The following GARIN1A variants were observed in gnomAD, a reference collection of about 807,000 sequenced individuals.
GARIN1A encodes Golgi-associated RAB2 interactor protein 1A.
chr7:128,693,260 G>A, the GARIN1A span, among the ~76,000 whole-genome samples: 1 of 152,240 alleles, frequency 6.6e-6, no homozygotes, highest in Admixed American at 6.5e-5. Context: ...CAAAGAAATA[G>A]TCACAGTTAG....
chr7:128,700,384 C>T, the GARIN1A span, among the ~76,000 whole-genome samples: 1 of 151,840 alleles, frequency 6.6e-6, no homozygotes, highest in Non-Finnish European at 1.5e-5. Context: ...GGGTTCAAGC[C>T]ATTCTCCTGC....
At chr7:128,708,613 A>G in the GARIN1A span, among the ~76,000 whole-genome samples, 20 of 152,176 alleles carry the variant, frequency 1.3e-4, no homozygotes, top group Non-Finnish European at 2.8e-4. Context: ...CTCTTCTCCA[A>G]TTTGGGGAGA....
At chr7:128,674,003 C>T in the GARIN1A span, among the ~76,000 whole-genome samples, 2 of 152,104 alleles carry the variant, frequency 1.3e-5, no homozygotes, top group African/African-American at 2.4e-5. Flanking sequence ...AAGCAATTCT[C>T]CTATCTCAGC....
the GARIN1A span, among the ~76,000 whole-genome samples, chr7:128,699,994 T>C: frequency 6.6e-6 from 1 of 152,236 alleles, no homozygotes; most frequent in Non-Finnish European, 1.5e-5. Context: ...TAAAGTCCAT[T>C]TGACTAACAT....
At chr7:128,687,857 A>C in the GARIN1A span, 1 of 152,162 alleles carries the variant, frequency 6.6e-6, no homozygotes, top group Non-Finnish European at 1.5e-5. Flanking sequence ...GCAATAAACT[A>C]TTCTGTTTTG....
chr7:128,677,687 G>T, the GARIN1A span: 1 of 1,613,758 alleles, frequency 6.2e-7, no homozygotes, highest in Non-Finnish European at 8.5e-7. Context: ...CAGAGATTGT[G>T]TTTCAATTCT....
chr7:128,676,150 C>T, the GARIN1A span, among the ~76,000 whole-genome samples: 88 of 150,078 alleles, frequency 5.9e-4, 1 homozygote, highest in South Asian at 0.017. Flanking sequence ...GGACTACAGG[C>T]GCCTGCCACC....
the GARIN1A span, chr7:128,685,105 T>C: frequency 6.6e-6 from 1 of 152,168 alleles, no homozygotes; most frequent in African/African-American, 2.4e-5. Context: ...TTCTCCATGT[T>C]GGCCAGGCTG....
chr7:128,700,258 GTTTGTTTTGT>G, the GARIN1A span, among the ~76,000 whole-genome samples: 1 of 149,040 alleles, frequency 6.7e-6, no homozygotes, highest in South Asian at 2.1e-4. Flanking sequence ...ATTTAGTAAG[GTTTGTTTTGT>G]TTTGTTTTGT....
chr7:128,677,830 C>A, the GARIN1A span: 1 of 1,608,780 alleles, frequency 6.2e-7, no homozygotes, highest in Non-Finnish European at 8.5e-7. Context: ...GGGCCTCCTT[C>A]CGGGACCTGT....
the GARIN1A span, among the ~76,000 whole-genome samples, chr7:128,676,022 T>A: frequency 7.1e-6 from 1 of 140,086 alleles, no homozygotes; most frequent in Non-Finnish European, 1.5e-5. Context: ...TTAGTATCTT[T>A]TTTTTTTTTT....
the GARIN1A span, among the ~76,000 whole-genome samples, chr7:128,679,204 TTTTTTTTGAGATGGAA>T: frequency 6.6e-6 from 1 of 152,046 alleles, no homozygotes; most frequent in Non-Finnish European, 1.5e-5. Context: ...TTAAACTTTT[TTTTTTTTGAGATGGAA>T]TCTCACTCTG....
chr7:128,675,865 G>A, the GARIN1A span: 1 of 1,598,464 alleles, frequency 6.3e-7, no homozygotes, highest in Non-Finnish European at 8.6e-7. Context: ...AGCAGGTAAA[G>A]GCTTGAGGGA....
chr7:128,690,958 C>G, the GARIN1A span: 3 of 152,010 alleles, frequency 2.0e-5, no homozygotes, highest in Non-Finnish European at 4.4e-5. Flanking sequence ...GAGAGACTTA[C>G]GCTTATGGCA....
the GARIN1A span, chr7:128,693,430 C>T: frequency 6.4e-6 from 1 of 156,280 alleles, no homozygotes; most frequent in Non-Finnish European, 1.4e-5. Flanking sequence ...TGGGGTCCTG[C>T]CACTCTGTCT....
chr7:128,705,653 GTGTTTTT>G, the GARIN1A span, among the ~76,000 whole-genome samples: 4 of 86,858 alleles, frequency 4.6e-5, no homozygotes, highest in Admixed American at 3.2e-4. Flanking sequence ...GATTTTTTTG[GTGTTTTT>G]TTTTTTTTTT....
chr7:128,692,891 G>C, the GARIN1A span, among the ~76,000 whole-genome samples: 1 of 152,160 alleles, frequency 6.6e-6, no homozygotes, highest in Non-Finnish European at 1.5e-5. Context: ...GGCTCATCTC[G>C]AGAAATCCAA....
the GARIN1A span, among the ~76,000 whole-genome samples, chr7:128,707,976 C>G: frequency 5.4e-5 from 8 of 148,924 alleles, no homozygotes. Flanking sequence ...CTTTATTTCT[C>G]TCTCTCTCTT....
the GARIN1A span, chr7:128,685,595 G>A: frequency 6.6e-6 from 1 of 152,184 alleles, no homozygotes; most frequent in Non-Finnish European, 1.5e-5. Flanking sequence ...GTTTTGTCTT[G>A]CCTCCAGTAA....
Sources: allele counts gnomAD v4.1 joint callset (sites outside exome capture counted in the v4.1 genomes callset), GRCh38; gene constraint gnomAD v4.1.1; transcripts MANE v1.5; gene names NCBI Gene and HGNC (gene_info 2026-07-23, HGNC 2026-07-21).